CHRM3: variants seen among roughly 807,000 people sequenced by gnomAD.
The protein encoded by CHRM3 is cholinergic receptor muscarinic 3, also known as muscarinic acetylcholine receptor M3.
In CHRM3, 11 loss-of-function variants were observed where a neutral mutation model predicts 41.8. The ratio of observed to expected loss-of-function variants is 0.26; its 90% CI spans 0.17 to 0.44. The LOEUF is 0.44. Among genes scored for constraint, CHRM3 ranks in the 20% least tolerant of loss-of-function variants. The pLI is 1.00. For synonymous variants in CHRM3, 297 were observed against 301.4 expected, an observed-to-expected ratio of 0.99 and a Z score of 0.15; for missense variants, 571 against 745.4, an observed-to-expected ratio of 0.77 and a Z score of 2.72.
At chr1:239,642,005 T>A (rs1484457858) in intron 4 of CHRM3, among the ~76,000 whole-genome samples, 1 of 127,420 alleles carries the variant, frequency 7.8e-6, no homozygotes. Flanking sequence ...TAAAGAATTT[T>A]ATTTCTCCTC....
At chr1:239,548,732 C>A (rs1255587421) in intron 3 of CHRM3, among the ~76,000 whole-genome samples, 4 of 152,298 alleles carry the variant, frequency 2.6e-5, no homozygotes, top group African/African-American at 7.2e-5. Context: ...ATGCCCATGG[C>A]ACTGATGTGA....
intron 1 of CHRM3, among the ~76,000 whole-genome samples, chr1:239,475,610 A>T (rs1387107577): frequency 6.6e-6 from 1 of 152,168 alleles, no homozygotes; most frequent in African/African-American, 2.4e-5. Flanking sequence ...AACTAAAGAA[A>T]TCTGAATAAA....
chr1:239,591,279 T>C (rs545005931), intron 3 of CHRM3, among the ~76,000 whole-genome samples: 1 of 152,266 alleles, frequency 6.6e-6, no homozygotes, highest in African/African-American at 2.4e-5. Flanking sequence ...TGACACACGC[T>C]TCCATTACTA....
intron 6 of CHRM3, among the ~76,000 whole-genome samples, chr1:239,871,188 T>A (rs778921063): frequency 6.6e-6 from 1 of 152,196 alleles, no homozygotes; most frequent in African/African-American, 2.4e-5. Flanking sequence ...GGTTGCAAGA[T>A]GGCAGGATGC....
chr1:239,745,047 A>T (rs924521156), intron 5 of CHRM3, among the ~76,000 whole-genome samples: 2 of 152,108 alleles, frequency 1.3e-5, no homozygotes, highest in African/African-American at 4.8e-5. Flanking sequence ...AGGACATGAC[A>T]TGGAGAGGCA....
At chr1:239,587,524 G>A (rs1159010289) in intron 3 of CHRM3, among the ~76,000 whole-genome samples, 1 of 152,188 alleles carries the variant, frequency 6.6e-6, no homozygotes, top group Non-Finnish European at 1.5e-5. Flanking sequence ...ACATCAGGAA[G>A]CAGAGGGTTG....
At position 239,687,760 on chromosome 1, in the gene CHRM3, T is replaced by C. The variant is rs547462754; in HGVS notation, c.-147+9472T>C. On this transcript the variant is annotated intron_variant, in intron 5 of 6. Coordinates refer to ENST00000676153, the MANE Select transcript of CHRM3 (RefSeq NM_001375978.1). Reference sequence around the variant, plus strand: ...TTCAGATATGTTTAGATAGCACAAATACCATTGTGTTACAATTGCCTACAA... The same window carrying C: ...TTCAGATATGTTTAGATAGCACAAACACCATTGTGTTACAATTGCCTACAA... 1.1e-3 allele frequency among the ~76,000 whole-genome samples: 162 copies of C among 152,240 alleles called. 2 individuals carry two copies. The highest frequency in any genetic ancestry group is 2.0e-3 in the Non-Finnish European group (137 of 67,998).
At chr1:239,552,025 G>C (rs571236543) in intron 3 of CHRM3, among the ~76,000 whole-genome samples, 123 of 152,036 alleles carry the variant, frequency 8.1e-4, no homozygotes, top group Non-Finnish European at 1.5e-3. Flanking sequence ...ATGGAATAAT[G>C]TAGGTATTAT....
chr1:239,447,319 C>T (rs771957133), intron 1 of CHRM3, among the ~76,000 whole-genome samples: 39 of 151,206 alleles, frequency 2.6e-4, no homozygotes, highest in Non-Finnish European at 3.8e-4. Flanking sequence ...AGAAAAAAAA[C>T]GGAGGAAGAG....
At chr1:239,487,480 A>C (rs1248104110) in intron 1 of CHRM3, among the ~76,000 whole-genome samples, 1 of 152,154 alleles carries the variant, frequency 6.6e-6, no homozygotes, top group Admixed American at 6.5e-5. Context: ...AATAGCAACA[A>C]AAAGTATACA....
At chr1:239,554,461 TG>T (rs1361915752) in intron 3 of CHRM3, among the ~76,000 whole-genome samples, 17 of 151,898 alleles carry the variant, frequency 1.1e-4, no homozygotes, top group African/African-American at 2.9e-4. Context: ...AATGTGTGTG[TG>T]TGTGTGTGTA....
intron 3 of CHRM3, among the ~76,000 whole-genome samples, chr1:239,590,512 C>G (rs1039613318): frequency 6.6e-6 from 1 of 152,024 alleles, no homozygotes; most frequent in African/African-American, 2.4e-5. Flanking sequence ...TTGTTGTAAC[C>G]GTTTTTGATA....
At chr1:239,776,043 C>A (rs973055357) in intron 5 of CHRM3, among the ~76,000 whole-genome samples, 2 of 152,254 alleles carry the variant, frequency 1.3e-5, no homozygotes, top group East Asian at 3.9e-4. Flanking sequence ...TTATGCATCT[C>A]AGCTTTTGTT....
chr1:239,400,054 G>A (rs542916832), intron 1 of CHRM3, among the ~76,000 whole-genome samples: 1 of 152,118 alleles, frequency 6.6e-6, no homozygotes, highest in Non-Finnish European at 1.5e-5. Flanking sequence ...TGGGATTACA[G>A]GTGCCTGCCA....
intron 2 of CHRM3, among the ~76,000 whole-genome samples, chr1:239,494,455 C>A (rs146110588): frequency 6.6e-6 from 1 of 151,952 alleles, no homozygotes; most frequent in African/African-American, 2.4e-5. Flanking sequence ...TGTGAAGATA[C>A]GTACATAAAA....
intron 4 of CHRM3, among the ~76,000 whole-genome samples, chr1:239,662,930 T>TCTTCTTCTC (rs972963044): frequency 6.7e-6 from 1 of 148,378 alleles, no homozygotes; most frequent in African/African-American, 2.5e-5. Context: ...TTCTTCTTCT[T>TCTTCTTCTC]CTCCTCTTCT....
At chr1:239,794,753 C>A (rs1369544022) in intron 5 of CHRM3, among the ~76,000 whole-genome samples, 1 of 152,126 alleles carries the variant, frequency 6.6e-6, no homozygotes. Flanking sequence ...ACACATGAAA[C>A]CACTTCAGAT....
At chr1:239,733,937 A>G (rs1031475866) in intron 5 of CHRM3, among the ~76,000 whole-genome samples, 34 of 152,046 alleles carry the variant, frequency 2.2e-4, no homozygotes, top group African/African-American at 7.7e-4. Context: ...GATGTTGTGA[A>G]TCCACATTTT....
chr1:239,713,682 T>C (rs1454668185), intron 5 of CHRM3, among the ~76,000 whole-genome samples: 1 of 152,178 alleles, frequency 6.6e-6, no homozygotes, highest in South Asian at 2.1e-4. Context: ...CCCTATATCA[T>C]ACTGTTATGT....
Sources: gnomAD v4.1 joint callset for allele counts (sites outside exome capture counted in the v4.1 genomes callset) on GRCh38, gnomAD v4.1.1 for gene constraint, MANE v1.5 for transcripts, NCBI Gene and HGNC (gene_info 2026-07-23, HGNC 2026-07-21) for gene names.